Variants in DMD observed in about 807,000 individuals in gnomAD.
DMD encodes dystrophin, also known as mutant dystrophin.
In DMD, 63 loss-of-function variants were observed where a neutral mutation model predicts 330.1. That is an observed-to-expected ratio of 0.19 (90% CI 0.16 to 0.24). The LOEUF (loss-of-function observed/expected upper bound fraction) is 0.24. DMD is among the 10% of genes least tolerant of loss of function. The probability of loss-of-function intolerance (pLI) is 1.00; values close to 1 mark genes in which losing one functional copy is unlikely to be tolerated. For missense variants in DMD, 3,344 were observed against 2,684.1 expected, an observed-to-expected ratio of 1.25 and a Z score of -5.43; for synonymous variants, 1,223 against 959.8, an observed-to-expected ratio of 1.27 and a Z score of -5.07.
intron 5 of DMD, among the ~76,000 whole-genome samples, chrX:32,819,109 A>T (rs1472509187): frequency 2.8e-5 from 3 of 107,409 alleles, no homozygotes; most frequent in Middle Eastern, 4.7e-3. Context: ...TGATTAAAAG[A>T]AGTTGCAGCA....
In DMD at chrX:31,476,046, GA is replaced by G. The variant is rs1172428400; in HGVS notation, c.8937+2059del. On this transcript the variant is annotated intron_variant, in intron 59 of 78. Coordinates refer to ENST00000357033, the MANE Select transcript of DMD (RefSeq NM_004006.3). Reference sequence around the variant, plus strand: ...CTTAGCAACTTCACTTTCTCTGGGAGAAAAAAAAATGCATAAGCAAGTTGCT... The same window carrying G: ...CTTAGCAACTTCACTTTCTCTGGGAGAAAAAAAATGCATAAGCAAGTTGCT... Among the ~76,000 whole-genome samples the G allele has an allele frequency of 4.7e-4, 51 of 108,210 alleles. 1 individual carries two copies. The highest frequency in any genetic ancestry group is 1.6e-3 in the African/African-American group (48 of 30,006). 94.0% of individuals were successfully genotyped at this position (108,210 alleles called of 115,157 possible). A position where few individuals can be genotyped will look rare whatever the true frequency, so the allele number is the denominator to read the frequency against.
intron 29 of DMD, 40 bp downstream of exon 29, chrX:32,438,201 T>C: frequency 8.4e-7 from 1 of 1,195,202 alleles, no homozygotes; most frequent in Non-Finnish European, 1.1e-6. Flanking sequence ...TATACATTAA[T>C]GCAAATTAGA....
intron 29 of DMD, 141 bp from the exon 30 acceptor site, chrX:32,412,054 T>G: frequency 8.4e-7 from 1 of 1,189,900 alleles, no homozygotes; most frequent in African/African-American, 1.7e-5. Context: ...TTCCTGGCAC[T>G]CATTCAGCTC....
At position 32,697,969 on chromosome X, in the gene DMD, C is replaced by T. The variant is rs1284806719; in HGVS notation, c.861G>A (p.Glu287=). ...ATCGAGGCTTAGGGGAAGAAGTTCT[C>T]TCATATCCCTGTGCTAGACTGACCG... The part of the protein sequence containing the change: ...QITVSLAQGY[E]RTSSPKPRFK... Residue 287 remains glutamate (E), a synonymous_variant, in exon 9 of 79, where the codon GAG becomes GAA. Coordinates refer to ENST00000357033, the MANE Select transcript of DMD (RefSeq NM_004006.3). The T allele has an allele frequency of 8.3e-7, 1 of 1,200,979 alleles. No homozygotes were observed. Among genetic ancestry groups the T allele is most frequent in the Non-Finnish European group, 1.1e-6 (1 of 890,181 alleles).
chrX:32,356,144 T>A (rs1262946929), intron 37 of DMD, among the ~76,000 whole-genome samples: 1 of 110,155 alleles, frequency 9.1e-6, no homozygotes, highest in Middle Eastern at 4.4e-3. Flanking sequence ...ATAAAATGCA[T>A]CATTTATTTC....
intron 44 of DMD, among the ~76,000 whole-genome samples, chrX:32,065,238 A>G (rs1258739234): frequency 2.7e-5 from 3 of 111,672 alleles, no homozygotes; most frequent in Non-Finnish European, 5.7e-5. Flanking sequence ...CAAAAAGACT[A>G]ATGCAAGTTC....
intron 4 of DMD, among the ~76,000 whole-genome samples, chrX:32,836,754 C>T (rs1459884352): frequency 8.9e-6 from 1 of 111,797 alleles, no homozygotes; most frequent in Non-Finnish European, 1.9e-5. Context: ...CTTAATCAAA[C>T]TTAATTTATA....
chrX:32,294,825 T>C (rs985709437), intron 42 of DMD, among the ~76,000 whole-genome samples: 6 of 111,275 alleles, frequency 5.4e-5, no homozygotes, highest in African/African-American at 1.3e-4. Flanking sequence ...TGTAGCACTT[T>C]CCATAGTTTA....
chrX:32,662,924 TATTGACTGA>T (rs1445197852), intron 9 of DMD, among the ~76,000 whole-genome samples: 1 of 112,168 alleles, frequency 8.9e-6, no homozygotes, highest in African/African-American at 3.2e-5. Flanking sequence ...CTGTCAAAAA[TATTGACTGA>T]ATTGACTGTA....
chrX:31,529,935 G>A (rs1250413590), intron 55 of DMD, among the ~76,000 whole-genome samples: 1 of 109,321 alleles, frequency 9.1e-6, no homozygotes, highest in Admixed American at 9.8e-5. Context: ...ATGTTGCTAC[G>A]ACATCTATTG....
chrX:33,211,857 A>T (rs2051932756), upstream of DMD, among the ~76,000 whole-genome samples: 1 of 112,719 alleles, frequency 8.9e-6, no homozygotes, highest in Admixed American at 9.4e-5. Context: ...TTATTAACAG[A>T]GCAGAAAATC....
In DMD at chrX:33,190,654, A is replaced by AT. The variant is rs1472457135; in HGVS notation, c.31+20627dup. Among the ~76,000 whole-genome samples, 29 of 24,927 alleles carry AT rather than the reference A, an allele frequency of 1.2e-3. 10 individuals carry two copies. Among genetic ancestry groups the AT allele is most frequent in the Admixed American group, 3.7e-3 (6 of 1,638 alleles). The allele number at this position is 24,927 out of a possible 115,157, so 21.6% of individuals were successfully genotyped here. On this transcript the variant is annotated intron_variant, in intron 1 of 78. Transcript: ENST00000357033. ...AGGCGCCCGCCACCGCGCCCGGCTA[A>AT]TTTTTTGTATTTTTAGTAGAGACGG... is the stretch of plus-strand genomic sequence containing the variant.
chrX:32,096,192 C>A (rs1027432467), intron 44 of DMD, among the ~76,000 whole-genome samples: 1 of 111,789 alleles, frequency 8.9e-6, no homozygotes, highest in Admixed American at 9.5e-5. Context: ...GTTTAATCAT[C>A]CCCCAAACCT....
chrX:31,589,456 G>A (rs1299609141), intron 55 of DMD, among the ~76,000 whole-genome samples: 1 of 111,458 alleles, frequency 9.0e-6, no homozygotes, highest in African/African-American at 3.3e-5. Flanking sequence ...GGGGAAGAAG[G>A]AACTGGGGGT....
At chrX:32,194,211 T>A (rs2096988211) in intron 44 of DMD, among the ~76,000 whole-genome samples, 1 of 112,159 alleles carries the variant, frequency 8.9e-6, no homozygotes, top group African/African-American at 3.2e-5. Flanking sequence ...AGTTGAGGCA[T>A]AATTTGCATA....
At position 31,394,045 on chromosome X, in the gene DMD, C is replaced by G. The variant is rs764220800; in HGVS notation, c.9085-45411G>C. On this transcript the variant is annotated intron_variant, in intron 60 of 78. Coordinates refer to ENST00000357033, the MANE Select transcript of DMD (RefSeq NM_004006.3). ...AGCTATGGCAGAGCCAGAACCTGAG[C>G]TCTGTTTATTTTTATTCTAAAGCTA... Among the ~76,000 whole-genome samples, 136 of 112,309 alleles carry G rather than the reference C, an allele frequency of 1.2e-3. 1 individual carries two copies. Among genetic ancestry groups the G allele is most frequent in the South Asian group, 0.012 (32 of 2,707 alleles).
intron 7 of DMD, among the ~76,000 whole-genome samples, chrX:32,699,504 T>A (rs1384689299): frequency 8.9e-6 from 1 of 112,072 alleles, no homozygotes; most frequent in Non-Finnish European, 1.9e-5. Flanking sequence ...GTAAAGTTAA[T>A]TTATTTTCCT....
intron 48 of DMD, among the ~76,000 whole-genome samples, chrX:31,854,064 C>G (rs913478372): frequency 8.9e-6 from 1 of 111,982 alleles, no homozygotes; most frequent in Non-Finnish European, 1.9e-5. Flanking sequence ...GAGAGATACC[C>G]GATGCTACCT....
intron 7 of DMD, among the ~76,000 whole-genome samples, chrX:32,767,971 A>G (rs912390885): frequency 4.5e-5 from 5 of 111,812 alleles, no homozygotes; most frequent in Middle Eastern, 8.5e-3. Flanking sequence ...AGATATAGAT[A>G]TAACATTGAG....
Sources: allele counts gnomAD v4.1 joint callset (sites outside exome capture counted in the v4.1 genomes callset), GRCh38; gene constraint gnomAD v4.1.1; transcripts MANE v1.5; gene names NCBI Gene and HGNC (gene_info 2026-07-23, HGNC 2026-07-21).